Variants in SCAPER observed in about 807,000 individuals in gnomAD.
SCAPER encodes S phase cyclin A-associated protein in the endoplasmic reticulum.
SCAPER carries 98 observed loss-of-function variants against 182.2 expected under a neutral mutation model. That is an observed-to-expected ratio of 0.54 (90% CI 0.46 to 0.64). SCAPER has a LOEUF of 0.64. Ranked by LOEUF, SCAPER falls within the 30% of genes least tolerant of loss-of-function variation. The pLI is 0.00. For missense variants in SCAPER, 1,432 were observed against 1,690.0 expected, an observed-to-expected ratio of 0.85 and a Z score of 2.68; for synonymous variants, 605 against 564.6, an observed-to-expected ratio of 1.07 and a Z score of -1.01.
chr15:76,781,377 T>A (rs900077612), intron 8 of SCAPER, among the ~76,000 whole-genome samples: 1 of 151,984 alleles, frequency 6.6e-6, no homozygotes, highest in East Asian at 1.9e-4. Context: ...CTCCAAGAAA[T>A]ATGGGACTAT....
chr15:76,371,905 C>T lies in SCAPER; in HGVS notation c.3855+4257G>A, dbSNP rs2042208104. Among the ~76,000 whole-genome samples the T allele has an allele frequency of 2.0e-5, 3 of 151,300 alleles. No individual in the cohort carries two copies. The South Asian group carries it at 6.2e-4, about 31-fold the overall frequency. On this transcript the variant is annotated intron_variant, in intron 29 of 31. Coordinates refer to ENST00000563290, the MANE Select transcript of SCAPER (RefSeq NM_020843.4). ...TGCACTCCAGCCTGGGCAACAAGAG[C>T]GAAACTCTGTCTCAAAAAAAAAATA...
chr15:76,710,783 C>T (rs964449092), intron 17 of SCAPER, among the ~76,000 whole-genome samples: 11 of 152,098 alleles, frequency 7.2e-5, no homozygotes, highest in African/African-American at 2.6e-4. Context: ...TATGGAAAGG[C>T]AACTTTGAAA....
intron 1 of SCAPER, among the ~76,000 whole-genome samples, chr15:76,901,202 C>T (rs1168659414): frequency 6.6e-6 from 1 of 152,102 alleles, no homozygotes; most frequent in Admixed American, 6.6e-5. Context: ...TGCACTCCAG[C>T]CTGGGGGACA....
chr15:76,556,144 G>A (rs2046179505), intron 23 of SCAPER, among the ~76,000 whole-genome samples: 2 of 152,126 alleles, frequency 1.3e-5, no homozygotes, highest in Admixed American at 1.3e-4. Flanking sequence ...TAATCACAAG[G>A]AAATGAAACA....
intron 5 of SCAPER, among the ~76,000 whole-genome samples, chr15:76,833,644 G>C (rs989273335): frequency 1.3e-5 from 2 of 152,138 alleles, no homozygotes; most frequent in African/African-American, 4.8e-5. Flanking sequence ...GACAACCACA[G>C]ACTCAAAGTA....
chr15:76,868,842 A>G (rs1292071476), intron 2 of SCAPER, among the ~76,000 whole-genome samples: 3 of 152,230 alleles, frequency 2.0e-5, no homozygotes, highest in African/African-American at 4.8e-5. Context: ...ACCTGGGCAA[A>G]AAGAATAAAG....
chr15:76,527,129 G>T (rs1597207352), intron 23 of SCAPER, among the ~76,000 whole-genome samples: 1 of 152,106 alleles, frequency 6.6e-6, no homozygotes, highest in East Asian at 1.9e-4. Context: ...ACCTGCCTCG[G>T]CCTCCCAAAG....
chr15:76,418,980 G>C (rs1400433742), intron 26 of SCAPER, among the ~76,000 whole-genome samples: 1 of 152,212 alleles, frequency 6.6e-6, no homozygotes, highest in Non-Finnish European at 1.5e-5. Flanking sequence ...TTTCTGGAGA[G>C]TCTGCCAGAT....
chr15:76,868,847 A>G (rs960120799), intron 2 of SCAPER, among the ~76,000 whole-genome samples: 5 of 152,202 alleles, frequency 3.3e-5, no homozygotes, highest in African/African-American at 4.8e-5. Context: ...GGCAAAAAGA[A>G]TAAAGCTGGA....
At chr15:76,830,322 C>A (rs2068355218) in intron 5 of SCAPER, among the ~76,000 whole-genome samples, 4 of 152,230 alleles carry the variant, frequency 2.6e-5, no homozygotes, top group Admixed American at 6.5e-5. Flanking sequence ...TAAAGAAAAA[C>A]CGTTGAACAA....
In SCAPER at chr15:76,429,869, G is replaced by A. The variant is rs139224969; in HGVS notation, c.3311+4209C>T. Among the ~76,000 whole-genome samples, 968 of 152,236 alleles carry A rather than the reference G, an allele frequency of 6.4e-3. 19 individuals are homozygous for A. Among genetic ancestry groups the A allele is most frequent in the African/African-American group, 0.022 (902 of 41,540 alleles). On this transcript the variant is annotated intron_variant, in intron 26 of 31. Transcript: ENST00000563290. The stretch of plus-strand genomic sequence containing the variant: ...TCCCCAAGACAATGAGGAAAATGTC[G>A]CCAGGGCATGTCAGAGGTCTTCATG...
At chr15:76,469,429 A>G (rs1426657154) in intron 25 of SCAPER, among the ~76,000 whole-genome samples, 1 of 152,170 alleles carries the variant, frequency 6.6e-6, no homozygotes. Context: ...GAAAGGAGGA[A>G]ATTAACATTG....
chr15:76,517,125 T>C (rs748032547), intron 23 of SCAPER, among the ~76,000 whole-genome samples: 10 of 152,130 alleles, frequency 6.6e-5, no homozygotes, highest in Admixed American at 5.2e-4. Context: ...AAATCTTGCA[T>C]GTAACTGCAA....
In SCAPER at chr15:76,366,332, G is replaced by A. The variant is rs573484430; in HGVS notation, c.3855+9830C>T. Among the ~76,000 whole-genome samples, 13 of 152,320 alleles carry A rather than the reference G, an allele frequency of 8.5e-5. No homozygotes were observed. In the South Asian group the frequency reaches 2.5e-3, roughly 29 times the overall value. ...GAACAGGAGGGTTAATAAATGCAGTGCATGGGCTGATAGGTTTTCTGGTCA... is the reference window on the plus strand; with the variant it reads ...GAACAGGAGGGTTAATAAATGCAGTACATGGGCTGATAGGTTTTCTGGTCA... On this transcript the variant is annotated intron_variant, in intron 29 of 31. Coordinates refer to ENST00000563290, the MANE Select transcript of SCAPER (RefSeq NM_020843.4).
chr15:76,856,257 G>T (rs895496543), intron 4 of SCAPER, among the ~76,000 whole-genome samples: 1 of 151,962 alleles, frequency 6.6e-6, no homozygotes, highest in Non-Finnish European at 1.5e-5. Context: ...CAAACAGAGG[G>T]GCCTCCTTGA....
chr15:76,606,139 C>T (rs2050373385), intron 22 of SCAPER, among the ~76,000 whole-genome samples: 1 of 152,198 alleles, frequency 6.6e-6, no homozygotes, highest in Non-Finnish European at 1.5e-5. Context: ...ATCTTTCCTG[C>T]TTTCTCTTGT....
chr15:76,874,246 A>G (rs1223879238), intron 2 of SCAPER, among the ~76,000 whole-genome samples: 1 of 152,186 alleles, frequency 6.6e-6, no homozygotes, highest in Non-Finnish European at 1.5e-5. Context: ...CACAATGGAA[A>G]TTGTATTTTT....
intron 22 of SCAPER, among the ~76,000 whole-genome samples, chr15:76,588,131 C>G (rs1255511771): frequency 6.6e-6 from 1 of 152,070 alleles, no homozygotes; most frequent in East Asian, 1.9e-4. Context: ...ACCGTGTTAG[C>G]CAGAATGGTC....
At chr15:76,548,173 G>A (rs1567420446) in intron 23 of SCAPER, among the ~76,000 whole-genome samples, 2 of 151,572 alleles carry the variant, frequency 1.3e-5, no homozygotes, top group African/African-American at 2.4e-5. Flanking sequence ...ACATAAACAC[G>A]CTCTTTGAGG....
Sources: gnomAD v4.1 joint callset for allele counts (sites outside exome capture counted in the v4.1 genomes callset) on GRCh38, gnomAD v4.1.1 for gene constraint, MANE v1.5 for transcripts, NCBI Gene and HGNC (gene_info 2026-07-23, HGNC 2026-07-21) for gene names.